The following RIMS1 variants were observed in gnomAD, a reference collection of about 807,000 sequenced individuals.
The protein encoded by RIMS1 is regulating synaptic membrane exocytosis 1.
In RIMS1, 83 loss-of-function variants were observed where a neutral mutation model predicts 214.1. The ratio of observed to expected loss-of-function variants is 0.39; its 90% confidence interval spans 0.32 to 0.47. The LOEUF is 0.47. Among genes scored for constraint, RIMS1 ranks in the 20% least tolerant of loss-of-function variants. The pLI is 0.99. For synonymous variants in RIMS1, 793 were observed against 786.8 expected, an observed-to-expected ratio of 1.01 and a Z score of -0.13; for missense variants, 2,050 against 2,161.8, an observed-to-expected ratio of 0.95 and a Z score of 1.03.
At chr6:72,024,852 A>G (rs969281017) in intron 2 of RIMS1, among the ~76,000 whole-genome samples, 1 of 150,820 alleles carries the variant, frequency 6.6e-6, no homozygotes, top group Non-Finnish European at 1.5e-5. Context: ...ATATTAAATA[A>G]TATATAGTAG....
At chr6:72,390,958 C>T in intron 30 of RIMS1, 1 of 419,390 alleles carries the variant, frequency 2.4e-6, no homozygotes, top group Non-Finnish European at 4.2e-6. Context: ...TCTGAGTCCA[C>T]ATGAACAAAT....
At chr6:71,918,650 A>G (rs1355685348) in intron 1 of RIMS1, among the ~76,000 whole-genome samples, 2 of 152,180 alleles carry the variant, frequency 1.3e-5, no homozygotes, top group African/African-American at 2.4e-5. Flanking sequence ...GAACAGGCCA[A>G]TTAAGAGTTT....
intron 1 of RIMS1, among the ~76,000 whole-genome samples, chr6:71,961,733 T>G (rs759363689): frequency 3.4e-5 from 2 of 57,984 alleles, no homozygotes; most frequent in African/African-American, 5.0e-5. Context: ...GGATAGGTTT[T>G]GTTTTGTTTT....
At chr6:72,239,651 C>T (rs1364791817) in intron 9 of RIMS1, among the ~76,000 whole-genome samples, 3 of 152,162 alleles carry the variant, frequency 2.0e-5, no homozygotes, top group Non-Finnish European at 2.9e-5. Context: ...AGTCCTGCCC[C>T]GCTTTAAGTC....
chr6:72,192,526 T>C (rs2050233496), intron 6 of RIMS1, among the ~76,000 whole-genome samples: 2 of 152,322 alleles, frequency 1.3e-5, no homozygotes, highest in Non-Finnish European at 2.9e-5. Flanking sequence ...CAAATTAGTC[T>C]TTTTTCCACT....
Position 72,093,228 on chromosome 6 carries a change from A to ATATATATATATATATAT in RIMS1, c.246-3721_246-3720insTATATATATATATATAT, listed in dbSNP as rs200655727. On this transcript the variant is annotated intron_variant, in intron 2 of 33. Coordinates refer to ENST00000521978, the MANE Select transcript of RIMS1 (RefSeq NM_014989.7). ...TATGTGAGTATATATATATATATAT[A>ATATATATATATATATAT]AAAACATGTGTGTATATATGTATAT... Among the ~76,000 whole-genome samples the ATATATATATATATATAT allele has an allele frequency of 8.5e-4, 117 of 137,030 alleles. 3 individuals carry two copies. The highest frequency in any genetic ancestry group is 2.0e-3 in the African/African-American group (81 of 39,696). The allele number at this position is 137,030 out of a possible 152,430, so 89.9% of individuals were successfully genotyped here.
chr6:72,275,134 A>G (rs2085570285), intron 23 of RIMS1, among the ~76,000 whole-genome samples: 6 of 1,124 alleles, frequency 5.3e-3, no homozygotes, highest in Admixed American at 0.024. Context: ...ATATATATAT[A>G]TATATATATA....
At chr6:72,380,076 G>T (rs2098459235) in intron 29 of RIMS1, among the ~76,000 whole-genome samples, 1 of 152,148 alleles carries the variant, frequency 6.6e-6, no homozygotes, top group Non-Finnish European at 1.5e-5. Flanking sequence ...CATATAAAAG[G>T]ATGAGTTCAT....
intron 4 of RIMS1, among the ~76,000 whole-genome samples, chr6:72,168,205 T>G (rs957920880): frequency 6.6e-6 from 1 of 152,164 alleles, no homozygotes; most frequent in African/African-American, 2.4e-5. Flanking sequence ...GGCAAATCCT[T>G]ATGGGTGTGC....
At chr6:72,015,744 G>A (rs1318711753) in intron 2 of RIMS1, among the ~76,000 whole-genome samples, 1 of 152,102 alleles carries the variant, frequency 6.6e-6, no homozygotes. Context: ...GGCTAACATG[G>A]TGAAACCCTG....
At chr6:71,887,293 G>C (rs1768022047) in intron 1 of RIMS1, 106 bp downstream of exon 1, 3 of 1,442,686 alleles carry the variant, frequency 2.1e-6, no homozygotes, top group Admixed American at 2.0e-5. Flanking sequence ...GGGCTGCCAG[G>C]GTGCTGGGTG....
Position 72,333,845 on chromosome 6 carries a change from G to A in RIMS1, c.4366+10G>A, listed in dbSNP as rs2096751567. 1.9e-6 allele frequency: 3 copies of A among 1,547,476 alleles called. No individual in the cohort carries two copies. The highest frequency in any genetic ancestry group is 1.4e-5 in the African/African-American group (1 of 73,282). On this transcript the variant is annotated intron_variant, in intron 29 of 33. Coordinates refer to ENST00000521978, the MANE Select transcript of RIMS1 (RefSeq NM_014989.7). ...CAGCTTAGTCAAACAGGTGAGTGAT[G>A]TGAATTCAACCTAAACAACTCAATT...
At chr6:71,902,789 G>A (rs1774087658) in intron 1 of RIMS1, among the ~76,000 whole-genome samples, 1 of 152,092 alleles carries the variant, frequency 6.6e-6, no homozygotes, top group Non-Finnish European at 1.5e-5. Context: ...TCGGTTTTCT[G>A]TTCCTGTGTT....
intron 25 of RIMS1, among the ~76,000 whole-genome samples, chr6:72,291,329 G>C (rs1423424677): frequency 6.6e-6 from 1 of 152,158 alleles, no homozygotes; most frequent in Non-Finnish European, 1.5e-5. Flanking sequence ...CTGGGCAGTA[G>C]TAATATATCG....
chr6:72,028,991 T>TG (rs1390132984), intron 2 of RIMS1, among the ~76,000 whole-genome samples: 4 of 152,310 alleles, frequency 2.6e-5, no homozygotes, highest in African/African-American at 9.6e-5. Context: ...TTCTCATATC[T>TG]GACATTAAAG....
At chr6:71,949,524 G>A (rs941190894) in intron 1 of RIMS1, among the ~76,000 whole-genome samples, 10 of 152,020 alleles carry the variant, frequency 6.6e-5, no homozygotes, top group Non-Finnish European at 1.2e-4. Context: ...GGGCAAAGTC[G>A]CCCCTCTAAA....
At chr6:72,299,913 C>T (rs2094458072) in intron 26 of RIMS1, among the ~76,000 whole-genome samples, 1 of 151,676 alleles carries the variant, frequency 6.6e-6, no homozygotes, top group African/African-American at 2.4e-5. Context: ...GTAGTAGATG[C>T]ATATTAGTCC....
intron 4 of RIMS1, among the ~76,000 whole-genome samples, chr6:72,137,469 T>C (rs953488555): frequency 6.6e-6 from 1 of 151,968 alleles, no homozygotes; most frequent in African/African-American, 2.4e-5. Context: ...TTATTTCATG[T>C]GTTTTGAGAC....
intron 2 of RIMS1, among the ~76,000 whole-genome samples, chr6:72,039,259 G>A (rs897730151): frequency 1.3e-5 from 2 of 152,050 alleles, no homozygotes; most frequent in Non-Finnish European, 2.9e-5. Flanking sequence ...CATCATTGGT[G>A]TCAAATATAG....
Sources: allele counts gnomAD v4.1 joint callset (sites outside exome capture counted in the v4.1 genomes callset), GRCh38; gene constraint gnomAD v4.1.1; transcripts MANE v1.5; gene names NCBI Gene and HGNC (gene_info 2026-07-23, HGNC 2026-07-21).